The following XIRP2 variants were observed in gnomAD, a reference collection of about 807,000 sequenced individuals.
XIRP2 encodes xin actin-binding repeat-containing protein 2.
Under a neutral mutation model 277.0 loss-of-function variants are expected in XIRP2, and 236 were observed. The observed-to-expected ratio is 0.85, with a 90% CI of 0.77 to 0.95. XIRP2 has a LOEUF of 0.95. Ranked by LOEUF, XIRP2 falls within the 40% of genes least tolerant of loss-of-function variation. The pLI is 0.00. For missense variants in XIRP2, 4,640 were observed against 4,157.5 expected (o/e 1.12, Z -3.19); for synonymous variants, 1,490 against 1,416.5 (o/e 1.05, Z -1.17).
intron 3 of XIRP2, among the ~76,000 whole-genome samples, chr2:167,141,927 G>C (rs1341164812): frequency 1.3e-5 from 2 of 152,128 alleles, no homozygotes; most frequent in Non-Finnish European, 2.9e-5. Flanking sequence ...TATCTCCTAA[G>C]GTTTGAGGCA....
chr2:167,240,716 A>G lies in XIRP2; in HGVS notation c.1022A>G (p.His341Arg), dbSNP rs1405964906. ...TEEVNQASQF[H>R]QYVQETVIDT... The stretch of plus-strand genomic sequence containing the variant: ...GAAGTAAACCAAGCATCTCAGTTTC[A>G]TCAATATGTTCAAGAAACTGGTAAG... The change falls in exon 7 of 11, where the codon CAT becomes CGT. Residue 341 changes from histidine to arginine, a missense_variant. His to Arg is a conservative substitution (Grantham distance 29). Transcript: ENST00000409195. The G allele has an allele frequency of 1.2e-6, 2 of 1,613,822 alleles. No homozygotes were observed. The highest frequency in any genetic ancestry group is 1.3e-5 in the African/African-American group (1 of 75,042).
intron 2 of XIRP2, among the ~76,000 whole-genome samples, chr2:167,087,261 CA>C: frequency 6.6e-6 from 1 of 152,328 alleles, no homozygotes; most frequent in East Asian, 1.9e-4. Context: ...GCTCGGAGGT[CA>C]GGGGTCAGGG....
At chr2:167,214,536 T>G (rs1694187142) in intron 4 of XIRP2, among the ~76,000 whole-genome samples, 1 of 151,938 alleles carries the variant, frequency 6.6e-6, no homozygotes, top group Non-Finnish European at 1.5e-5. Flanking sequence ...GTAGTCTGTT[T>G]CTAAAGCGCA....
At chr2:167,142,441 G>C (rs886232437) in intron 3 of XIRP2, among the ~76,000 whole-genome samples, 2 of 152,002 alleles carry the variant, frequency 1.3e-5, no homozygotes, top group Non-Finnish European at 2.9e-5. Flanking sequence ...CCAGCTACTC[G>C]GGAGGCTGAG....
intron 2 of XIRP2, among the ~76,000 whole-genome samples, chr2:166,907,949 CT>C (rs910470908): frequency 6.6e-6 from 1 of 151,956 alleles, no homozygotes; most frequent in Non-Finnish European, 1.5e-5. Context: ...TGAACTCATC[CT>C]TTTTTATGGC....
At chr2:167,187,529 A>G (rs1190270919) in intron 3 of XIRP2, 1 of 985,162 alleles carries the variant, frequency 1.0e-6, no homozygotes. Flanking sequence ...AATATCATAA[A>G]AGGTAAGTGT....
At chr2:167,130,906 T>C (rs1691354803) in intron 2 of XIRP2, among the ~76,000 whole-genome samples, 1 of 152,124 alleles carries the variant, frequency 6.6e-6, no homozygotes, top group Non-Finnish European at 1.5e-5. Flanking sequence ...ACTATGTAAC[T>C]TAACAGGCCC....
At chr2:167,083,790 TG>T in intron 2 of XIRP2, among the ~76,000 whole-genome samples, 1 of 152,192 alleles carries the variant, frequency 6.6e-6, no homozygotes, top group Non-Finnish European at 1.5e-5. Context: ...GCATTGATTT[TG>T]TATCCTGAGA....
chr2:167,005,395 A>G (rs1011715190), intron 2 of XIRP2, among the ~76,000 whole-genome samples: 22 of 151,870 alleles, frequency 1.4e-4, no homozygotes, highest in Non-Finnish European at 2.2e-4. Flanking sequence ...CTTCTAGACA[A>G]CACTGTAGTT....
At chr2:167,159,690 A>C (rs952378904) in intron 3 of XIRP2, among the ~76,000 whole-genome samples, 4 of 151,878 alleles carry the variant, frequency 2.6e-5, no homozygotes, top group Non-Finnish European at 4.4e-5. Flanking sequence ...ATAAAAAAAC[A>C]ATAAAAGGAA....
At position 167,084,074 on chromosome 2, in the gene XIRP2, G is replaced by C. The variant is rs200845356; in HGVS notation, c.409-51835G>C. Among the ~76,000 whole-genome samples, 217 of 151,908 alleles carry C rather than the reference G, an allele frequency of 1.4e-3. 8 individuals carry two copies. In the East Asian group the frequency reaches 0.037, roughly 26 times the overall value. ...CCCATTCAGTATGATATTGGCTGTG[G>C]GTTTGTCATAGATAGATCTTATTAT... On this transcript the variant is annotated intron_variant, in intron 2 of 10. Coordinates refer to ENST00000409195, the MANE Select transcript of XIRP2 (RefSeq NM_152381.6).
At chr2:167,106,121 C>T (rs146073625) in intron 2 of XIRP2, among the ~76,000 whole-genome samples, 369 of 151,668 alleles carry the variant, frequency 2.4e-3, no homozygotes, top group Admixed American at 6.4e-3. Context: ...CACTTTGCTG[C>T]TCCTCTTTTT....
chr2:167,099,787 G>T (rs559323538), intron 2 of XIRP2, among the ~76,000 whole-genome samples: 1 of 152,002 alleles, frequency 6.6e-6, no homozygotes, highest in African/African-American at 2.4e-5. Flanking sequence ...TGTGCTTCCC[G>T]GGTGAGATAA....
rs553440742 is a variant in XIRP2, at chr2:167,109,656, C to T, written c.409-26253C>T. On this transcript the variant is annotated intron_variant, in intron 2 of 10. Transcript: ENST00000409195. Reference sequence around the variant, plus strand: ...TCCATGTCTTTGCTGTTGTGAATAGCGCTGCGATGAACATATATATGCATG... The same window carrying T: ...TCCATGTCTTTGCTGTTGTGAATAGTGCTGCGATGAACATATATATGCATG... Among the ~76,000 whole-genome samples, 6 of 152,212 alleles carry T rather than the reference C, an allele frequency of 3.9e-5. No individual in the cohort carries two copies. In the East Asian group the frequency reaches 5.8e-4, roughly 15 times the overall value.
intron 2 of XIRP2, among the ~76,000 whole-genome samples, chr2:167,005,583 G>A (rs1428207417): frequency 2.0e-5 from 3 of 151,814 alleles, no homozygotes; most frequent in Non-Finnish European, 4.4e-5. Flanking sequence ...ACGTAAAATA[G>A]AGAAGGCTTT....
intron 2 of XIRP2, among the ~76,000 whole-genome samples, chr2:166,999,201 T>C (rs76097810): frequency 0.015 from 2,311 of 152,242 alleles, 69 homozygotes; most frequent in African/African-American, 0.053. Flanking sequence ...AAGAGCAGTT[T>C]AAGAAATAGC....
intron 2 of XIRP2, among the ~76,000 whole-genome samples, chr2:167,083,555 A>G (rs1054027461): frequency 1.3e-5 from 2 of 152,180 alleles, no homozygotes; most frequent in African/African-American, 4.8e-5. Context: ...TTTTCATGAT[A>G]TTGATTCTTC....
At chr2:166,944,964 A>T (rs1685814464) in intron 2 of XIRP2, among the ~76,000 whole-genome samples, 1 of 152,158 alleles carries the variant, frequency 6.6e-6, no homozygotes, top group Non-Finnish European at 1.5e-5. Flanking sequence ...TGTGGGAAGT[A>T]CAACCAAAAT....
In XIRP2 at chr2:167,251,537, G is replaced by A. The variant is rs1695503313; in HGVS notation, c.10145G>A (p.Gly3382Glu). Residue 3382 changes from glycine (G) to glutamate (E), a missense_variant, in exon 9 of 11, where the codon GGA becomes GAA. Coordinates refer to ENST00000409195, the MANE Select transcript of XIRP2 (RefSeq NM_152381.6). ...GAGGAATTTGGATTAACATCTTTAG[G>A]AAACACGAGTTTTACAGACTTTTCT... ...CKEEFGLTSL[G>E]NTSFTDFSCK... The A allele has an allele frequency of 6.2e-7, 1 of 1,613,364 alleles. No homozygotes were observed. The highest frequency in any genetic ancestry group is 1.7e-5 in the Admixed American group (1 of 59,938).
Sources: gnomAD v4.1 joint callset for allele counts (sites outside exome capture counted in the v4.1 genomes callset) on GRCh38, gnomAD v4.1.1 for gene constraint, MANE v1.5 for transcripts, NCBI Gene and HGNC (gene_info 2026-07-23, HGNC 2026-07-21) for gene names.